OSBPL11: variants seen among roughly 807,000 people sequenced by gnomAD.
The protein encoded by OSBPL11 is oxysterol binding protein like 11, also known as oxysterol-binding protein-related protein 11.
Under a neutral mutation model 84.4 loss-of-function variants are expected in OSBPL11, and 33 were observed. The observed-to-expected ratio is 0.39, with a 90% CI of 0.30 to 0.52. OSBPL11 has a LOEUF of 0.52. OSBPL11 is among the 20% of genes least tolerant of loss of function. The probability of loss-of-function intolerance (pLI) is 0.72; values close to 1 mark genes in which losing one functional copy is unlikely to be tolerated. For synonymous variants in OSBPL11, 276 were observed against 310.2 expected (o/e 0.89, Z 1.16); for missense variants, 736 against 901.1 (o/e 0.82, Z 2.35).
At chr3:125,553,524 A>C (rs1270302179) in intron 8 of OSBPL11, among the ~76,000 whole-genome samples, 1 of 152,256 alleles carries the variant, frequency 6.6e-6, no homozygotes, top group Non-Finnish European at 1.5e-5. Context: ...GAGGCACTGC[A>C]AAATGGTTTA....
intron 1 of OSBPL11, among the ~76,000 whole-genome samples, chr3:125,590,518 G>A (rs1468511313): frequency 2.0e-5 from 3 of 151,928 alleles, no homozygotes; most frequent in East Asian, 1.9e-4. Context: ...ATCTGCCACC[G>A]CACTCCAGCC....
intron 9 of OSBPL11, 122 bp downstream of exon 9, chr3:125,552,059 C>T: frequency 1.9e-6 from 1 of 523,024 alleles, no homozygotes; most frequent in Non-Finnish European, 2.7e-6. Context: ...AGCGAACTTT[C>T]CTTTCTTTCC....
At chr3:125,584,233 G>A (rs1936472515) in intron 1 of OSBPL11, among the ~76,000 whole-genome samples, 1 of 152,122 alleles carries the variant, frequency 6.6e-6, no homozygotes, top group South Asian at 2.1e-4. Context: ...AGGTGTGGTG[G>A]CACGTGCCTG....
At chr3:125,573,739 C>A (rs1412010267) in intron 5 of OSBPL11, among the ~76,000 whole-genome samples, 1 of 151,838 alleles carries the variant, frequency 6.6e-6, no homozygotes, top group Non-Finnish European at 1.5e-5. Flanking sequence ...TGGATGCCTG[C>A]AGCATGCCTG....
intron 1 of OSBPL11, among the ~76,000 whole-genome samples, chr3:125,584,611 G>A (rs1936479545): frequency 6.6e-6 from 1 of 152,114 alleles, no homozygotes; most frequent in Non-Finnish European, 1.5e-5. Flanking sequence ...ATAGCCATTA[G>A]CATGTAATAA....
chr3:125,540,532 C>T (rs1295475850), intron 10 of OSBPL11, among the ~76,000 whole-genome samples: 1 of 152,074 alleles, frequency 6.6e-6, no homozygotes, highest in African/African-American at 2.4e-5. Context: ...CATGCTTCCT[C>T]TCTGATCCCA....
At chr3:125,551,214 T>C (rs1935902948) in intron 9 of OSBPL11, among the ~76,000 whole-genome samples, 1 of 141,062 alleles carries the variant, frequency 7.1e-6, no homozygotes. Context: ...AAAAAAAGGA[T>C]GGAAAATCTA....
At chr3:125,559,552 T>C (rs897984482) in intron 8 of OSBPL11, among the ~76,000 whole-genome samples, 1 of 152,122 alleles carries the variant, frequency 6.6e-6, no homozygotes, top group South Asian at 2.1e-4. Flanking sequence ...CGGCTAATTT[T>C]TGTATTTTTA....
At chr3:125,538,371 A>G in intron 11 of OSBPL11, 80 bp downstream of exon 11, 1 of 1,380,058 alleles carries the variant, frequency 7.2e-7, no homozygotes. Context: ...GACTTGGCCA[A>G]GGTCACCAGT....
intron 10 of OSBPL11, among the ~76,000 whole-genome samples, chr3:125,540,223 G>A (rs892908396): frequency 2.6e-5 from 4 of 150,962 alleles, no homozygotes; most frequent in Admixed American, 6.6e-5. Context: ...CAGCTACTCA[G>A]GAGGTTGAGG....
chr3:125,583,076 T>C (rs1936452174), intron 1 of OSBPL11, 98 bp from the exon 2 acceptor site: 1 of 746,974 alleles, frequency 1.3e-6, no homozygotes, highest in Non-Finnish European at 2.1e-6. Context: ...ACATATATGC[T>C]CTATAAATGC....
At chr3:125,572,089 T>C (rs1346915889) in intron 5 of OSBPL11, among the ~76,000 whole-genome samples, 1 of 152,246 alleles carries the variant, frequency 6.6e-6, no homozygotes, top group Non-Finnish European at 1.5e-5. Flanking sequence ...ACCTCTTCCA[T>C]CAGGGTGACC....
In OSBPL11 at chr3:125,538,645, C is replaced by T. The variant is rs371190158; in HGVS notation, c.1842-12G>A. 5.0e-6 allele frequency: 8 copies of T among 1,589,110 alleles called. No individual in the cohort carries two copies. In the African/African-American group the frequency reaches 8.1e-5, roughly 16 times the overall value. On this transcript the variant is annotated splice_polypyrimidine_tract_variant and intron_variant, in intron 10 of 12. Transcript: ENST00000296220. ...CTTCAGCTGTAACCCTAGAAGCAGA[C>T]AGAAAAGAAAGATATGCTCTAATAA...
chr3:125,593,332 T>A (rs1304476558), intron 1 of OSBPL11, among the ~76,000 whole-genome samples: 3 of 152,134 alleles, frequency 2.0e-5, no homozygotes, highest in African/African-American at 7.2e-5. Flanking sequence ...TAAAAAGTTA[T>A]CTTCTGGCCA....
Position 125,576,379 on chromosome 3 carries a change from A to G in OSBPL11, c.490-14T>C. 6 of 1,536,646 alleles carry G rather than the reference A, an allele frequency of 3.9e-6. No homozygotes were observed. Among genetic ancestry groups the G allele is most frequent in the Non-Finnish European group, 5.2e-6 (6 of 1,149,188 alleles). On this transcript the variant is annotated splice_polypyrimidine_tract_variant and intron_variant, in intron 4 of 12. Transcript: ENST00000296220. ...AGGAGGATTATTCTGTTAGACAAAG[A>G]AAATCATTCCTTTTGTTTTCTTCTT... is the stretch of plus-strand genomic sequence containing the variant.
At chr3:125,531,773 A>AT (rs1935559369) in intron 12 of OSBPL11, 88 bp downstream of exon 12, 3 of 1,282,314 alleles carry the variant, frequency 2.3e-6, no homozygotes, top group Non-Finnish European at 3.2e-6. Context: ...ATAAAGATGT[A>AT]TAAGTGATAG....
chr3:125,539,311 A>G (rs1277812030), intron 10 of OSBPL11, among the ~76,000 whole-genome samples: 147 of 105,044 alleles, frequency 1.4e-3, no homozygotes, highest in Non-Finnish European at 2.2e-3. Flanking sequence ...ATATATATAT[A>G]TATATATATA....
chr3:125,565,473 T>C (rs1936139692), intron 6 of OSBPL11, among the ~76,000 whole-genome samples: 1 of 152,110 alleles, frequency 6.6e-6, no homozygotes, highest in Admixed American at 6.6e-5. Context: ...AATTTATAAA[T>C]AGCATATGAT....
At chr3:125,547,149 C>T (rs765332647) in intron 10 of OSBPL11, among the ~76,000 whole-genome samples, 1 of 152,184 alleles carries the variant, frequency 6.6e-6, no homozygotes, top group Non-Finnish European at 1.5e-5. Flanking sequence ...ACTGCATGTT[C>T]ACTTGTTAGA....
Sources: allele counts gnomAD v4.1 joint callset (sites outside exome capture counted in the v4.1 genomes callset), GRCh38; gene constraint gnomAD v4.1.1; transcripts MANE v1.5; gene names NCBI Gene and HGNC (gene_info 2026-07-23, HGNC 2026-07-21).